Variants in ATPAF1 observed in about 807,000 individuals in gnomAD.
ATPAF1 encodes homolog of yeast ATP11.
A neutral mutation model predicts 43.9 loss-of-function variants in ATPAF1; 26 were observed. The observed-to-expected ratio is 0.59, with a 90% confidence interval of 0.43 to 0.82. The LOEUF is 0.82. Among genes scored for constraint, ATPAF1 ranks in the 40% least tolerant of loss-of-function variants. The pLI, the probability that ATPAF1 is intolerant of heterozygous loss-of-function variation, is 0.00. For missense variants in ATPAF1, 366 were observed against 435.0 expected (o/e 0.84, Z 1.41); for synonymous variants, 157 against 168.0 (o/e 0.93, Z 0.50).
chr1:46,645,086 G>C, intron 7 of ATPAF1, 75 bp downstream of exon 7: 2 of 1,046,270 alleles, frequency 1.9e-6, no homozygotes, highest in Non-Finnish European at 2.8e-6. Flanking sequence ...CTGTGTCCTT[G>C]AGCCTCAGCA....
chr1:46,647,976 T>A (rs1261221604), intron 6 of ATPAF1, among the ~76,000 whole-genome samples: 1 of 152,258 alleles, frequency 6.6e-6, no homozygotes, highest in Non-Finnish European at 1.5e-5. Flanking sequence ...GTCTATCCTC[T>A]TTATTATTGA....
chr1:46,653,744 G>T lies in ATPAF1; in HGVS notation c.540+73C>A. The T allele has an allele frequency of 7.0e-7, 1 of 1,433,604 alleles. No individual in the cohort carries two copies. Among genetic ancestry groups the T allele is most frequent in the Non-Finnish European group, 9.6e-7 (1 of 1,038,272 alleles). The allele number at this position is 1,433,604 out of a possible 1,614,324, so 88.8% of individuals were successfully genotyped here. On this transcript the variant is annotated intron_variant, in intron 5 of 8. Coordinates refer to ENST00000574428, the Ensembl canonical transcript of ATPAF1. The surrounding 1 kb of genome is among the most constrained non-coding windows in gnomAD (Gnocchi z 4.8). ...GGCAATAAACATAGGAAAAGTAAAG[G>T]CAACTGCCTGCTAAGGTTAGAGAAC...
intron 7 of ATPAF1, among the ~76,000 whole-genome samples, chr1:46,643,544 T>C (rs1015317891): frequency 1.3e-5 from 2 of 152,248 alleles, no homozygotes; most frequent in Non-Finnish European, 2.9e-5. Flanking sequence ...AGAAAATGTT[T>C]ACAGTAGGCA....
At chr1:46,655,785 C>T (rs1676260242) in intron 4 of ATPAF1, among the ~76,000 whole-genome samples, 1 of 152,148 alleles carries the variant, frequency 6.6e-6, no homozygotes, top group African/African-American at 2.4e-5. Flanking sequence ...GCTTCTTCTT[C>T]CATGCAGTTT....
chr1:46,659,975 CTTTCTTT>C (rs1676356343), intron 2 of ATPAF1, among the ~76,000 whole-genome samples: 1 of 146,302 alleles, frequency 6.8e-6, no homozygotes. Context: ...CATTTTCTTT[CTTTCTTT>C]TTTTTTTTTT....
At chr1:46,648,338 C>T (rs1263733499) in intron 6 of ATPAF1, among the ~76,000 whole-genome samples, 5 of 152,150 alleles carry the variant, frequency 3.3e-5, no homozygotes, top group South Asian at 2.1e-4. Context: ...TCTTGAACTT[C>T]GGACCTCAAG....
At chr1:46,635,994 G>C in intron 8 of ATPAF1, 24 bp from the exon 9 acceptor site, 1 of 1,611,582 alleles carries the variant, frequency 6.2e-7, no homozygotes, top group Non-Finnish European at 8.5e-7. Context: ...AGAATAATGA[G>C]GTCCTTTCTT....
At chr1:46,637,053 T>C (rs888505325) in intron 8 of ATPAF1, among the ~76,000 whole-genome samples, 1 of 152,206 alleles carries the variant, frequency 6.6e-6, no homozygotes, top group Non-Finnish European at 1.5e-5. Context: ...CTACAGAAAC[T>C]GCGAGGTAAT....
intron 7 of ATPAF1, 57 bp downstream of exon 7, chr1:46,645,104 C>G (rs1195889028): frequency 1.8e-5 from 26 of 1,414,218 alleles, no homozygotes; most frequent in Non-Finnish European, 1.7e-5. Context: ...GCAAGGGTTT[C>G]TAGTCCTACC....
intron 3 of ATPAF1, 48 bp from the exon 4 acceptor site, chr1:46,658,237 A>AC (rs754521189): frequency 2.4e-5 from 34 of 1,423,590 alleles, no homozygotes; most frequent in South Asian, 6.2e-5. Flanking sequence ...AAAAAAAAAA[A>AC]AAAACAGCTT....
chr1:46,634,210 AAC>A (rs1443031167), downstream of ATPAF1: 41 of 235,056 alleles, frequency 1.7e-4, no homozygotes, highest in South Asian at 5.0e-4. Flanking sequence ...GAAGGAAGAA[AAC>A]ACACACACAC....
chr1:46,633,569 C>T (rs1675787650), downstream of ATPAF1: 5 of 393,574 alleles, frequency 1.3e-5, no homozygotes, highest in South Asian at 7.7e-5. Context: ...GACAAATTTA[C>T]TGATTAAATG....
Position 46,664,972 on chromosome 1 carries a change from C to G in ATPAF1, c.375+284G>C, listed in dbSNP as rs145378740. On this transcript the variant is annotated intron_variant, in intron 2 of 8. Coordinates refer to ENST00000574428, the Ensembl canonical transcript of ATPAF1. ...TTCCATCTCCCATGGGAAATTTTCT[C>G]TGATACCTCTAGCCTACTACCATGT... The G allele has an allele frequency of 9.1e-6, 3 of 330,928 alleles. No homozygotes were observed. In the East Asian group the frequency reaches 1.6e-4, roughly 18 times the overall value. 20.5% of individuals were successfully genotyped at this position (330,928 alleles called of 1,614,324 possible).
intron 7 of ATPAF1, among the ~76,000 whole-genome samples, chr1:46,643,587 A>G (rs1368445100): frequency 2.6e-5 from 4 of 152,258 alleles, no homozygotes; most frequent in African/African-American, 4.8e-5. Flanking sequence ...ACATTTAAAA[A>G]CAAAATGGCA....
In ATPAF1 at chr1:46,665,243, G is replaced by A; in HGVS notation, c.375+13C>T. 6.2e-7 allele frequency: 1 copy of A among 1,611,296 alleles called. No homozygotes were observed. The highest frequency in any genetic ancestry group is 8.5e-7 in the Non-Finnish European group (1 of 1,177,368). On this transcript the variant is annotated intron_variant, in intron 2 of 8. Transcript: ENST00000574428. Reference sequence around the variant, plus strand: ...GCTGGTAAGCAAACACCACAAATGGGGGAAGGTCTTACCTTCTGTTCCACA... The same window carrying A: ...GCTGGTAAGCAAACACCACAAATGGAGGAAGGTCTTACCTTCTGTTCCACA...
intron 4 of ATPAF1, among the ~76,000 whole-genome samples, chr1:46,655,978 C>T (rs1676264308): frequency 6.6e-6 from 1 of 152,226 alleles, no homozygotes; most frequent in African/African-American, 2.4e-5. Context: ...AGGCAGGTAT[C>T]TGCTGTGTTG....
rs1167446707 is a variant in ATPAF1, at chr1:46,640,904, C to T, written c.792+2290G>A. Among the ~76,000 whole-genome samples the T allele has an allele frequency of 2.0e-5, 3 of 152,154 alleles. No homozygotes were observed. In the East Asian group the frequency reaches 5.8e-4, roughly 29 times the overall value. ...AATCTGTAGGAAACTTATACCACTA[C>T]CTCTATCCATCTAATTTTATCAGTG... On this transcript the variant is annotated intron_variant, in intron 8 of 8. Coordinates refer to ENST00000574428, the Ensembl canonical transcript of ATPAF1.
At chr1:46,645,121 T>C in intron 7 of ATPAF1, 40 bp downstream of exon 7, 1 of 1,513,264 alleles carries the variant, frequency 6.6e-7, no homozygotes, top group Non-Finnish European at 9.2e-7. Context: ...TACCAAGGGG[T>C]AGTCCTCTTT....
intron 8 of ATPAF1, among the ~76,000 whole-genome samples, chr1:46,637,205 C>T (rs1394711716): frequency 6.6e-6 from 1 of 152,032 alleles, no homozygotes; most frequent in Non-Finnish European, 1.5e-5. Flanking sequence ...GTGAGCAGGC[C>T]ACCCTACATG....
Sources: gnomAD v4.1 joint callset for allele counts (sites outside exome capture counted in the v4.1 genomes callset) on GRCh38, gnomAD v4.1.1 for gene constraint, Gnocchi (gnomAD v3.1) non-coding constraint, MANE v1.5 for transcripts, NCBI Gene and HGNC (gene_info 2026-07-23, HGNC 2026-07-21) for gene names.